The following CT45A10 variants were observed in gnomAD, a reference collection of about 807,000 sequenced individuals.
CT45A10 encodes the protein cancer/testis antigen family 45 member A10.
Under a neutral mutation model 8.3 loss-of-function variants are expected in CT45A10, and 19 were observed. The ratio of observed to expected loss-of-function variants is 2.30; its 90% confidence interval spans 1.61 to 3.38. The LOEUF is 3.38. Ranked by LOEUF, CT45A10 falls within the 30% of genes most tolerant of loss-of-function variation. CT45A10 has a pLI of 0.00. For synonymous variants in CT45A10, 28 were observed against 26.5 expected (o/e 1.06, Z -0.17); for missense variants, 149 against 85.9 (o/e 1.73, Z -2.90).
At chrX:135,887,661 A>G (rs2088444119) in intron 1 of CT45A10, among the ~76,000 whole-genome samples, 1 of 109,713 alleles carries the variant, frequency 9.1e-6, no homozygotes, top group African/African-American at 3.2e-5. Context: ...AAAAAAAAAG[A>G]AAACAATAAA....
At chrX:135,890,949 C>A (rs1369733031) in intron 1 of CT45A10, among the ~76,000 whole-genome samples, 10 of 111,499 alleles carry the variant, frequency 9.0e-5, no homozygotes, top group Admixed American at 7.6e-4. Context: ...GGTAAATACA[C>A]CAAGGGCAGA....
chrX:135,882,127 C>G (rs2088383567), intron 4 of CT45A10, among the ~76,000 whole-genome samples: 1 of 43,903 alleles, frequency 2.3e-5, no homozygotes, highest in African/African-American at 9.8e-5. Context: ...ATTGTATTCT[C>G]TGTAACGCAA....
intron 2 of CT45A10, among the ~76,000 whole-genome samples, chrX:135,883,914 A>AT (rs1235392176): frequency 7.7e-5 from 1 of 13,050 alleles, no homozygotes; most frequent in African/African-American, 2.9e-4. Context: ...GACACCTCTC[A>AT]TTTATTCATC....
At chrX:135,890,676 G>T (rs1556589746) in intron 1 of CT45A10, among the ~76,000 whole-genome samples, 1 of 112,085 alleles carries the variant, frequency 8.9e-6, no homozygotes, top group African/African-American at 3.2e-5. Flanking sequence ...TACCTTCCAT[G>T]GAATGGAAGA....
At chrX:135,892,155 T>C in intron 1 of CT45A10, among the ~76,000 whole-genome samples, 1 of 111,472 alleles carries the variant, frequency 9.0e-6, no homozygotes, top group Non-Finnish European at 1.9e-5. Flanking sequence ...ACCCCATCTC[T>C]ACTAAAAAAT....
intron 1 of CT45A10, among the ~76,000 whole-genome samples, chrX:135,892,646 A>AT (rs1263951389): frequency 9.1e-6 from 1 of 110,405 alleles, no homozygotes; most frequent in Non-Finnish European, 1.9e-5. Context: ...ACAGCACCCC[A>AT]CTCCCCCACA....
In CT45A10 at chrX:135,883,073, C is replaced by T. The variant is rs1249090495; in HGVS notation, c.353G>A (p.Ser118Asn). 4.2e-6 allele frequency: 5 copies of T among 1,197,170 alleles called. No individual in the cohort carries two copies. The African/African-American group carries it at 7.1e-5, about 17-fold the overall frequency. ...TATATCAGCATTAATTTCTTGTTGG[C>T]TTTTGGGAGAGGAGGCTATTCCTCT... ...ECRGIASSPK[S>N]QQEINADIKC... The change falls in exon 3 of 5, where the codon AGC (serine) becomes AAC (asparagine). Residue 118 changes from serine (S) to asparagine (N), a missense_variant. Transcript: ENST00000682849.
intron 2 of CT45A10, 97 bp from the exon 3 acceptor site, chrX:135,883,353 A>C: frequency 8.5e-7 from 1 of 1,182,495 alleles, no homozygotes; most frequent in Non-Finnish European, 1.1e-6. Flanking sequence ...CTGGAAATCA[A>C]ACTGAGAAGT....
chrX:135,891,064 C>T (rs1305553444), intron 1 of CT45A10, among the ~76,000 whole-genome samples: 2 of 111,544 alleles, frequency 1.8e-5, no homozygotes, highest in Non-Finnish European at 3.8e-5. Flanking sequence ...AATAAATGCA[C>T]TTCATAAATG....
chrX:135,891,953 G>C (rs1336650255), intron 1 of CT45A10, among the ~76,000 whole-genome samples: 1 of 107,091 alleles, frequency 9.3e-6, no homozygotes, highest in Non-Finnish European at 1.9e-5. Context: ...TGGCAGAAAA[G>C]ACCTCAAAGG....
chrX:135,890,040 G>A (rs1220945680), intron 1 of CT45A10, among the ~76,000 whole-genome samples: 4 of 111,863 alleles, frequency 3.6e-5, no homozygotes, highest in African/African-American at 1.3e-4. Context: ...TCCCACACTT[G>A]CTCAATTTAT....
rs1428851775 is a variant in CT45A10, at chrX:135,883,023, G to A, written c.403C>T (p.Arg135Ter). The change falls in exon 3 of 5, where the codon CGA becomes TGA. Residue 135 changes from arginine to a stop codon, truncating the protein, a stop_gained. Transcript: ENST00000682849. LOFTEE classifies it high-confidence loss of function. ...DIKCQVVKEI[R>*]CLGRKYEKIF... is the part of the protein sequence containing the mutation. The stretch of plus-strand genomic sequence containing the variant: ...CACTACTTACTTCGTCCAAGGCATC[G>A]GATTTCCTTCACTACTTGACATTTT... The A allele has an allele frequency of 8.5e-5, 102 of 1,196,672 alleles. No individual in the cohort carries two copies. Among genetic ancestry groups the A allele is most frequent in the Non-Finnish European group, 9.7e-5 (86 of 885,178 alleles).
At position 135,891,504 on chromosome X, in the gene CT45A10, C is replaced by T. The variant is rs572562521; in HGVS notation, c.-7+1841G>A. Among the ~76,000 whole-genome samples, 14 of 108,715 alleles carry T rather than the reference C, an allele frequency of 1.3e-4. No individual in the cohort carries two copies. The South Asian group carries it at 4.7e-3, about 37-fold the overall frequency. 94.4% of individuals were successfully genotyped at this position (108,715 alleles called of 115,157 possible). ...ACAAATCAATTTTAAAAGCAAACAT[C>T]GCAATAAAATTTGGGGGGAAAAGCT... On this transcript the variant is annotated intron_variant, in intron 1 of 4. Coordinates refer to ENST00000682849, the MANE Select transcript of CT45A10 (RefSeq NM_001291529.2).
chrX:135,890,714 C>T (rs1360330122), intron 1 of CT45A10, among the ~76,000 whole-genome samples: 1 of 111,946 alleles, frequency 8.9e-6, no homozygotes, highest in Non-Finnish European at 1.9e-5. Flanking sequence ...ATTGTTAATT[C>T]TCTCAGAATG....
At chrX:135,892,294 A>G (rs373290731) in intron 1 of CT45A10, among the ~76,000 whole-genome samples, 2 of 112,100 alleles carry the variant, frequency 1.8e-5, no homozygotes, top group East Asian at 5.6e-4. Flanking sequence ...AAGGGTGCTC[A>G]ATCTCATTAA....
intron 1 of CT45A10, among the ~76,000 whole-genome samples, chrX:135,889,616 C>G (rs1290909598): frequency 1.8e-5 from 2 of 111,265 alleles, no homozygotes; most frequent in African/African-American, 6.6e-5. Flanking sequence ...CTTGGGAGGC[C>G]GAAGTGTCTG....
intron 1 of CT45A10, among the ~76,000 whole-genome samples, chrX:135,891,145 T>C (rs1052353916): frequency 9.0e-6 from 1 of 111,376 alleles, no homozygotes; most frequent in Non-Finnish European, 1.9e-5. Flanking sequence ...AGATAGTGAA[T>C]CCAGTAAAAA....
chrX:135,883,454 G>C (rs1172809224), intron 2 of CT45A10, among the ~76,000 whole-genome samples, 198 bp from the exon 3 acceptor site: 1 of 109,800 alleles, frequency 9.1e-6, no homozygotes, highest in Non-Finnish European at 1.9e-5. Context: ...ATAAATGGGA[G>C]GATACACCAG....
intron 2 of CT45A10, among the ~76,000 whole-genome samples, chrX:135,883,731 A>T (rs2148061310): frequency 1.4e-5 from 1 of 72,450 alleles, no homozygotes; most frequent in Non-Finnish European, 2.7e-5. Flanking sequence ...GGCAACTGGG[A>T]TACAACTCAA....
Sources: allele counts gnomAD v4.1 joint callset (sites outside exome capture counted in the v4.1 genomes callset), GRCh38; gene constraint gnomAD v4.1.1; transcripts MANE v1.5; gene names NCBI Gene and HGNC (gene_info 2026-07-23, HGNC 2026-07-21).